ABI2: variants seen among roughly 807,000 people sequenced by gnomAD.
The protein encoded by ABI2 is abl interactor 2.
A neutral mutation model predicts 59.2 loss-of-function variants in ABI2; 25 were observed. That is an observed-to-expected ratio of 0.42 (90% CI 0.31 to 0.59). ABI2 has a LOEUF of 0.59. ABI2 is among the 20% of genes least tolerant of loss of function. The pLI, the probability that ABI2 is intolerant of heterozygous loss-of-function variation, is 0.14. For missense variants in ABI2, 545 were observed against 681.8 expected, an observed-to-expected ratio of 0.80 and a Z score of 2.23; for synonymous variants, 213 against 235.5, an observed-to-expected ratio of 0.90 and a Z score of 0.87.
At chr2:203,412,926 C>T (rs2882829) in intron 10 of ABI2, among the ~76,000 whole-genome samples, 3,105 of 152,322 alleles carry the variant, frequency 0.02, 82 homozygotes, top group East Asian at 0.092. Context: ...ATTCTACATA[C>T]TCCATACAAG....
chr2:203,341,980 T>G (rs2080201403), intron 1 of ABI2, among the ~76,000 whole-genome samples: 1 of 152,174 alleles, frequency 6.6e-6, no homozygotes, highest in Non-Finnish European at 1.5e-5. Flanking sequence ...GCAAGGGAGA[T>G]ATTCCTATTA....
At chr2:203,425,026 A>ATT (rs771713104) in intron 11 of ABI2, among the ~76,000 whole-genome samples, 5,057 of 134,454 alleles carry the variant, frequency 0.038, 333 homozygotes, top group African/African-American at 0.13. Flanking sequence ...TGCCAGGCTA[A>ATT]TTTTTTTTTT....
In ABI2 at chr2:203,328,405, A is replaced by ACCG; in HGVS notation, c.-103_-101dup. 1 of 863,956 alleles carries ACCG rather than the reference A, an allele frequency of 1.2e-6. No individual in the cohort carries two copies. Among genetic ancestry groups the ACCG allele is most frequent in the Non-Finnish European group, 1.8e-6 (1 of 548,226 alleles). The allele number at this position is 863,956 out of a possible 1,614,324, so 53.5% of individuals were successfully genotyped here. A position where few individuals can be genotyped will look rare whatever the true frequency, so the allele number is the denominator to read the frequency against. Reference sequence around the variant, plus strand: ...GGCTGTTTCTCGCTCCTTCCGAGTTACCGCCGCCGTCGCCGCCGCTCCTCC... The same window carrying ACCG: ...GGCTGTTTCTCGCTCCTTCCGAGTTACCGCCGCCGCCGTCGCCGCCGCTCCTCC... On this transcript the variant is annotated 5_prime_UTR_variant, in exon 1 of 12. Transcript: ENST00000261018.
intron 10 of ABI2, among the ~76,000 whole-genome samples, chr2:203,414,262 C>G (rs1357321200): frequency 6.6e-6 from 1 of 151,942 alleles, no homozygotes. Flanking sequence ...CCACCATGTG[C>G]GTCTAATTTT....
intron 1 of ABI2, among the ~76,000 whole-genome samples, chr2:203,348,910 T>G (rs1303093741): frequency 6.6e-6 from 1 of 152,024 alleles, no homozygotes; most frequent in African/African-American, 2.4e-5. Context: ...TGAAGGTGTT[T>G]TTTTTTGTTT....
intron 11 of ABI2, among the ~76,000 whole-genome samples, chr2:203,417,431 A>G (rs1403800518): frequency 6.6e-6 from 1 of 152,242 alleles, no homozygotes; most frequent in Non-Finnish European, 1.5e-5. Context: ...GTCACCTTAT[A>G]ATCAGATACT....
intron 2 of ABI2, among the ~76,000 whole-genome samples, chr2:203,369,811 A>AAAGG (rs2094935047): frequency 6.6e-6 from 1 of 152,200 alleles, no homozygotes. Flanking sequence ...TATGTTGGAT[A>AAAGG]AAGGATCAAG....
At chr2:203,368,011 A>C (rs1050587963) in intron 2 of ABI2, among the ~76,000 whole-genome samples, 7 of 152,160 alleles carry the variant, frequency 4.6e-5, no homozygotes, top group Non-Finnish European at 8.8e-5. Flanking sequence ...CTCCAAAAAA[A>C]AATAAAAAAA....
chr2:203,364,367 T>A (rs1559225914), intron 1 of ABI2, among the ~76,000 whole-genome samples: 1 of 152,190 alleles, frequency 6.6e-6, no homozygotes, highest in African/African-American at 2.4e-5. Context: ...GTGTTGGGAT[T>A]ACAGGCGTGA....
chr2:203,379,222 G>A (rs556788683), intron 2 of ABI2, among the ~76,000 whole-genome samples: 33 of 152,280 alleles, frequency 2.2e-4, no homozygotes, highest in African/African-American at 7.7e-4. Flanking sequence ...CTTTGCCCAA[G>A]CAACTTGGTC....
chr2:203,332,241 A>G lies in ABI2; in HGVS notation c.117+3610A>G, dbSNP rs574902580. ...CAGTTTGCTGATATTTATCAGATCA[A>G]TTTTATTTCTTGCCTATACAAAGGA... On this transcript the variant is annotated intron_variant, in intron 1 of 11. Coordinates refer to ENST00000261018, the MANE Select transcript of ABI2 (RefSeq NM_001375670.1). 3.3e-5 allele frequency among the ~76,000 whole-genome samples: 5 copies of G among 152,310 alleles called. No homozygotes were observed. The East Asian group carries it at 7.7e-4, about 24-fold the overall frequency.
Position 203,427,635 on chromosome 2 carries a change from CAA to C in ABI2, c.*286_*287del. 3.8e-6 allele frequency: 1 copy of C among 262,756 alleles called. No homozygotes were observed. The highest frequency in any genetic ancestry group is 7.3e-6 in the Non-Finnish European group (1 of 136,552). 16.3% of individuals were successfully genotyped at this position (262,756 alleles called of 1,614,324 possible). ...TAACAGCATAACTGTGTAGCCAAAACAAAATCAGATTAAGACTGATTCAGAAA... is the reference window on the plus strand; with the variant it reads ...TAACAGCATAACTGTGTAGCCAAAACAATCAGATTAAGACTGATTCAGAAA... On this transcript the variant is annotated 3_prime_UTR_variant, in exon 12 of 12. Transcript: ENST00000261018.
In ABI2 at chr2:203,366,961, T is replaced by C. The variant is rs1444702619; in HGVS notation, c.202T>C (p.Leu68=). ...AAGTGTTGCCTATCTGATAAACACCTTGGCCAACAATGTCCTGCAGATGCT... is the reference window on the plus strand; with the variant it reads ...AAGTGTTGCCTATCTGATAAACACCCTGGCCAACAATGTCCTGCAGATGCT... ...LASVAYLINT[L]ANNVLQMLDI... is the part of the protein sequence containing the mutation. The change falls in exon 2 of 12, where the codon TTG becomes CTG. Residue 68 remains leucine, a synonymous_variant. Transcript: ENST00000261018. 6.2e-7 allele frequency: 1 copy of C among 1,613,772 alleles called. No homozygotes were observed. The highest frequency in any genetic ancestry group is 8.5e-7 in the Non-Finnish European group (1 of 1,179,910).
chr2:203,344,251 A>G (rs568930555), intron 1 of ABI2, among the ~76,000 whole-genome samples: 2 of 152,374 alleles, frequency 1.3e-5, no homozygotes, highest in East Asian at 3.8e-4. Context: ...AATAATATTC[A>G]TAGAAAGGAA....
At chr2:203,407,477 TTTATTTTTCCAAACTTTTTG>T (rs1281183727) in intron 9 of ABI2, among the ~76,000 whole-genome samples, 1 of 152,176 alleles carries the variant, frequency 6.6e-6, no homozygotes, top group Admixed American at 6.6e-5. Flanking sequence ...AAAGCTTAAT[TTTATTTTTCCAAACTTTTTG>T]AATTGGACAT....
chr2:203,395,041 G>C, intron 6 of ABI2, 195 bp downstream of exon 6: 2 of 746,094 alleles, frequency 2.7e-6, no homozygotes, highest in Non-Finnish European at 4.7e-6. Flanking sequence ...ATAAAGAACA[G>C]ACATCTCAAA....
chr2:203,383,043 A>G (rs2096240179), intron 4 of ABI2, among the ~76,000 whole-genome samples: 1 of 152,236 alleles, frequency 6.6e-6, no homozygotes. Context: ...CTACAATTAT[A>G]TACAAAACTT....
chr2:203,377,854 C>G (rs1271588436), intron 2 of ABI2, among the ~76,000 whole-genome samples: 3 of 152,238 alleles, frequency 2.0e-5, no homozygotes, highest in African/African-American at 7.2e-5. Context: ...TGCAGTGAGC[C>G]ATGATCGGGC....
In ABI2 at chr2:203,431,022, C is replaced by A. The variant is rs1052011368; in HGVS notation, c.*3670C>A. Reference sequence around the variant, plus strand: ...ACAGCATGACATGTCCTGAAGGTCACCTTTGCCTTTGAAAAAGGTTTGATG... The same window carrying A: ...ACAGCATGACATGTCCTGAAGGTCAACTTTGCCTTTGAAAAAGGTTTGATG... On this transcript the variant is annotated 3_prime_UTR_variant, in exon 12 of 12. Transcript: ENST00000261018. 1 of 152,062 alleles carries A rather than the reference C, an allele frequency of 6.6e-6. No homozygotes were observed. Among genetic ancestry groups the A allele is most frequent in the African/African-American group, 2.4e-5 (1 of 41,378 alleles). The allele number at this position is 152,062 out of a possible 1,614,324, so 9.4% of individuals were successfully genotyped here.
Sources: allele counts gnomAD v4.1 joint callset (sites outside exome capture counted in the v4.1 genomes callset), GRCh38; gene constraint gnomAD v4.1.1; transcripts MANE v1.5; gene names NCBI Gene and HGNC (gene_info 2026-07-23, HGNC 2026-07-21).